The following DNM3 variants were observed in gnomAD, a reference collection of about 807,000 sequenced individuals.
DNM3 encodes dynamin 3, also known as dynamin-3.
A neutral mutation model predicts 101.6 loss-of-function variants in DNM3; 47 were observed. That is an observed-to-expected ratio of 0.46 (90% CI 0.37 to 0.59). DNM3 has a LOEUF of 0.59. Ranked by LOEUF, DNM3 falls within the 20% of genes least tolerant of loss-of-function variation. DNM3 has a pLI of 0.00. For synonymous variants in DNM3, 385 were observed against 387.9 expected (o/e 0.99, Z 0.09); for missense variants, 849 against 1,085.7 (o/e 0.78, Z 3.06).
chr1:171,906,582 TCTA>T (rs1379130669), intron 1 of DNM3, among the ~76,000 whole-genome samples: 1 of 152,126 alleles, frequency 6.6e-6, no homozygotes, highest in African/African-American at 2.4e-5. Flanking sequence ...TAATCTTGAG[TCTA>T]CTATTTTTGT....
At chr1:172,406,925 C>T (rs2070936198) in intron 20 of DNM3, among the ~76,000 whole-genome samples, 1 of 151,452 alleles carries the variant, frequency 6.6e-6, no homozygotes, top group African/African-American at 2.4e-5. Flanking sequence ...AAAATGACTA[C>T]CCAAGATACC....
chr1:172,111,830 G>A (rs1271503889), intron 13 of DNM3, among the ~76,000 whole-genome samples: 2 of 150,914 alleles, frequency 1.3e-5, no homozygotes, highest in African/African-American at 2.4e-5. Flanking sequence ...ATCTTAGAAT[G>A]TTACTTTCAA....
chr1:172,059,054 A>C (rs1212634582), intron 10 of DNM3, among the ~76,000 whole-genome samples: 2 of 152,102 alleles, frequency 1.3e-5, no homozygotes, highest in Non-Finnish European at 2.9e-5. Flanking sequence ...CCATCAGAGA[A>C]TACTACAAAC....
chr1:172,299,593 G>A (rs1573358369), intron 15 of DNM3, among the ~76,000 whole-genome samples: 1 of 151,880 alleles, frequency 6.6e-6, no homozygotes, highest in African/African-American at 2.4e-5. Context: ...GTCTATATGT[G>A]CCCAATGTTT....
At chr1:172,308,219 A>T (rs2064928239) in intron 15 of DNM3, among the ~76,000 whole-genome samples, 1 of 152,200 alleles carries the variant, frequency 6.6e-6, no homozygotes, top group African/African-American at 2.4e-5. Flanking sequence ...CTTCATTGGC[A>T]TCTCACCCTA....
chr1:171,960,072 G>T (rs2043117631), intron 2 of DNM3, among the ~76,000 whole-genome samples: 1 of 152,128 alleles, frequency 6.6e-6, no homozygotes, highest in Non-Finnish European at 1.5e-5. Context: ...TTAAAATCAG[G>T]AATGAAGACT....
At chr1:171,948,427 A>G (rs2042298484) in intron 2 of DNM3, among the ~76,000 whole-genome samples, 6 of 152,124 alleles carry the variant, frequency 3.9e-5, no homozygotes, top group Non-Finnish European at 8.8e-5. Context: ...TTAAACCATC[A>G]TTTTTATTTT....
intron 15 of DNM3, among the ~76,000 whole-genome samples, chr1:172,265,045 C>T (rs1235727674): frequency 6.6e-6 from 1 of 152,040 alleles, no homozygotes; most frequent in East Asian, 1.9e-4. Flanking sequence ...TGCTTTTAGT[C>T]TCATTTTTTA....
At chr1:172,181,085 AG>A (rs1291170360) in intron 14 of DNM3, among the ~76,000 whole-genome samples, 1 of 152,074 alleles carries the variant, frequency 6.6e-6, no homozygotes, top group Non-Finnish European at 1.5e-5. Flanking sequence ...CCTACACATC[AG>A]GGCAGAAAGC....
intron 14 of DNM3, among the ~76,000 whole-genome samples, chr1:172,205,146 G>T (rs1372461311): frequency 6.6e-6 from 1 of 152,120 alleles, no homozygotes; most frequent in Non-Finnish European, 1.5e-5. Flanking sequence ...TAATAGTCTT[G>T]AAAGTTTGAA....
In DNM3 at chr1:172,275,249, A is replaced by G. The variant is rs551954284; in HGVS notation, c.1769+21567A>G. ...AAATTATTGGATAGATCAAATTTCCATTAACTATACCTCTAACACAGAGGC... is the reference window on the plus strand; with the variant it reads ...AAATTATTGGATAGATCAAATTTCCGTTAACTATACCTCTAACACAGAGGC... On this transcript the variant is annotated intron_variant, in intron 15 of 20. Coordinates refer to ENST00000627582, the MANE Select transcript of DNM3 (RefSeq NM_015569.5). 3.9e-5 allele frequency among the ~76,000 whole-genome samples: 6 copies of G among 152,158 alleles called. No homozygotes were observed. In the East Asian group the frequency reaches 9.7e-4, roughly 25 times the overall value.
At chr1:172,195,677 G>C (rs1328697939) in intron 14 of DNM3, among the ~76,000 whole-genome samples, 1 of 151,898 alleles carries the variant, frequency 6.6e-6, no homozygotes, top group African/African-American at 2.4e-5. Context: ...CGATATGATA[G>C]TATGTTGTTT....
intron 16 of DNM3, among the ~76,000 whole-genome samples, chr1:172,315,431 A>T (rs1004882992): frequency 3.9e-5 from 6 of 152,236 alleles, no homozygotes. Context: ...CAGACGATCA[A>T]ACTACTCCGA....
At chr1:171,952,719 G>A (rs2042607628) in intron 2 of DNM3, among the ~76,000 whole-genome samples, 1 of 152,178 alleles carries the variant, frequency 6.6e-6, no homozygotes, top group South Asian at 2.1e-4. Context: ...GGAAAGACTA[G>A]TACATTTATT....
At chr1:172,279,224 T>C (rs1486294110) in intron 15 of DNM3, among the ~76,000 whole-genome samples, 1 of 152,154 alleles carries the variant, frequency 6.6e-6, no homozygotes, top group Non-Finnish European at 1.5e-5. Context: ...GCATATTCAT[T>C]TGAAATACAC....
chr1:171,982,791 T>C (rs899576353), intron 2 of DNM3, among the ~76,000 whole-genome samples: 2 of 152,164 alleles, frequency 1.3e-5, no homozygotes, highest in Non-Finnish European at 2.9e-5. Flanking sequence ...GTAAACCACA[T>C]AGTTAACCAG....
At chr1:171,877,372 A>G (rs1008645703) in intron 1 of DNM3, among the ~76,000 whole-genome samples, 2 of 152,242 alleles carry the variant, frequency 1.3e-5, no homozygotes, top group Non-Finnish European at 2.9e-5. Context: ...TTAACCTCTC[A>G]TTTAAATGTT....
chr1:172,138,771 C>A, intron 14 of DNM3: 1 of 378,992 alleles, frequency 2.6e-6, no homozygotes, highest in Non-Finnish European at 5.4e-6. Flanking sequence ...GTGAGGGCTG[C>A]TTTCTTTCAA....
At chr1:172,314,409 G>T (rs1184422110) in intron 16 of DNM3, among the ~76,000 whole-genome samples, 1 of 152,186 alleles carries the variant, frequency 6.6e-6, no homozygotes, top group African/African-American at 2.4e-5. Context: ...GCAGCACGCG[G>T]TGCACGAGCC....
Sources: gnomAD v4.1 joint callset for allele counts (sites outside exome capture counted in the v4.1 genomes callset) on GRCh38, gnomAD v4.1.1 for gene constraint, MANE v1.5 for transcripts, NCBI Gene and HGNC (gene_info 2026-07-23, HGNC 2026-07-21) for gene names.